EBF1: variants seen among roughly 807,000 people sequenced by gnomAD.
EBF1 encodes transcription factor COE1.
In EBF1, 10 loss-of-function variants were observed where a neutral mutation model predicts 68.4. That is an observed-to-expected ratio of 0.15 (90% CI 0.09 to 0.25). EBF1 has a LOEUF of 0.25. Ranked by LOEUF, EBF1 falls within the 10% of genes least tolerant of loss-of-function variation. The pLI is 1.00. For missense variants in EBF1, 509 were observed against 794.4 expected (o/e 0.64, Z 4.32); for synonymous variants, 298 against 299.8 (o/e 0.99, Z 0.06).
intron 6 of EBF1, among the ~76,000 whole-genome samples, chr5:158,889,531 T>C (rs1364854114): frequency 6.6e-6 from 1 of 152,200 alleles, no homozygotes; most frequent in Non-Finnish European, 1.5e-5. Flanking sequence ...TGAGAATAAG[T>C]ACATCTAAGT....
At position 158,796,313 on chromosome 5, in the gene EBF1, CTATTAGA is replaced by C. The variant is rs1166633647; in HGVS notation, c.909+25_909+31del. 1.1e-5 allele frequency: 17 copies of C among 1,590,182 alleles called. No homozygotes were observed. In the Admixed American group the frequency reaches 1.2e-4, roughly 11 times the overall value. ...AGACAGTATCTTCAACTAGATCAAG[CTATTAGA>C]TATTAATGTTCAGACAACACCTACC... On this transcript the variant is annotated intron_variant, in intron 9 of 15. Transcript: ENST00000313708.
chr5:158,926,496 T>A (rs540108588), intron 6 of EBF1, among the ~76,000 whole-genome samples: 1 of 151,778 alleles, frequency 6.6e-6, no homozygotes, highest in Non-Finnish European at 1.5e-5. Context: ...GAGGCCAAAG[T>A]GGGTGGATCA....
At chr5:158,777,346 CAAGAT>C (rs1157236168) in intron 10 of EBF1, 62 bp downstream of exon 10, 6 of 1,447,226 alleles carry the variant, frequency 4.1e-6, no homozygotes, top group Non-Finnish European at 5.5e-6. Flanking sequence ...TTTATACAGA[CAAGAT>C]AAGGGGAAAG....
chr5:158,872,814 C>A (rs543727830), intron 6 of EBF1, among the ~76,000 whole-genome samples: 1 of 151,978 alleles, frequency 6.6e-6, no homozygotes, highest in South Asian at 2.1e-4. Flanking sequence ...TGCTACATAC[C>A]ATTAATTCAG....
intron 6 of EBF1, among the ~76,000 whole-genome samples, chr5:159,052,905 G>C (rs1040990556): frequency 6.6e-6 from 1 of 152,198 alleles, no homozygotes; most frequent in Non-Finnish European, 1.5e-5. Context: ...CTGCACAGCT[G>C]TCTCGGTCAA....
chr5:158,936,556 G>T (rs1403276828), intron 6 of EBF1, among the ~76,000 whole-genome samples: 1 of 152,176 alleles, frequency 6.6e-6, no homozygotes, highest in African/African-American at 2.4e-5. Flanking sequence ...GGCTTCGTAG[G>T]CTTACCCAGA....
rs546593748 is a variant in EBF1 at position 158,759,152 on chromosome 5, C to T, written c.1036+18261G>A. On this transcript the variant is annotated intron_variant, in intron 10 of 15. Transcript: ENST00000313708. ...ATATTCACAGTTTAAGACTCAGTGACGACTTTCAATCTTACTATGTGGATA... is the reference window on the plus strand; with the variant it reads ...ATATTCACAGTTTAAGACTCAGTGATGACTTTCAATCTTACTATGTGGATA... 3.1e-4 allele frequency among the ~76,000 whole-genome samples: 47 copies of T among 152,272 alleles called. 1 individual carries two copies. In the South Asian group the frequency reaches 3.9e-3, roughly 13 times the overall value.
chr5:159,064,899 CTTTTTTT>C lies in EBF1; in HGVS notation c.554+8490_554+8496del, dbSNP rs57256923. ...GAAAAAGAGACTGCTCTCTTTTCAT[CTTTTTTT>C]TTTTTTTTTTTTTTTTTTGGTCTCT... On this transcript the variant is annotated intron_variant, in intron 6 of 15. Coordinates refer to ENST00000313708, the MANE Select transcript of EBF1 (RefSeq NM_024007.5). 2.0e-3 allele frequency among the ~76,000 whole-genome samples: 136 copies of C among 67,946 alleles called. No homozygotes were observed. In the South Asian group the frequency reaches 0.028, roughly 14 times the overall value. 44.6% of individuals were successfully genotyped at this position (67,946 alleles called of 152,430 possible).
At chr5:158,956,916 G>A (rs555601877) in intron 6 of EBF1, among the ~76,000 whole-genome samples, 24 of 152,088 alleles carry the variant, frequency 1.6e-4, no homozygotes, top group Middle Eastern at 3.4e-3. Context: ...CTGCCACCAC[G>A]CCCAGCTAAT....
chr5:158,970,949 G>C (rs1205132617), intron 6 of EBF1, among the ~76,000 whole-genome samples: 1 of 152,170 alleles, frequency 6.6e-6, no homozygotes, highest in Non-Finnish European at 1.5e-5. Flanking sequence ...TCCAAGTTTA[G>C]CCTTACAGGG....
chr5:158,801,066 T>C (rs968482236), intron 8 of EBF1, among the ~76,000 whole-genome samples: 6 of 152,112 alleles, frequency 3.9e-5, no homozygotes, highest in African/African-American at 1.4e-4. Flanking sequence ...GGGGTTTGCC[T>C]CTTTTTTTAA....
intron 6 of EBF1, among the ~76,000 whole-genome samples, chr5:158,850,723 AG>A (rs1317597179): frequency 1.3e-5 from 2 of 152,212 alleles, no homozygotes; most frequent in Non-Finnish European, 2.9e-5. Context: ...AAACTTAAGT[AG>A]GGCCAGGTGT....
intron 7 of EBF1, among the ~76,000 whole-genome samples, chr5:158,828,992 T>C (rs1393997334): frequency 6.6e-6 from 1 of 152,148 alleles, no homozygotes; most frequent in Non-Finnish European, 1.5e-5. Context: ...GGCAAAACTA[T>C]GAAGACAGTG....
chr5:158,824,370 T>C (rs1347101421), intron 7 of EBF1, among the ~76,000 whole-genome samples: 1 of 152,230 alleles, frequency 6.6e-6, no homozygotes, highest in East Asian at 1.9e-4. Flanking sequence ...GGCTCTTTGA[T>C]TGATCACCGA....
chr5:159,051,811 C>G (rs1219493682), intron 6 of EBF1, among the ~76,000 whole-genome samples: 1 of 152,092 alleles, frequency 6.6e-6, no homozygotes, highest in Admixed American at 6.6e-5. Context: ...GCAGTTTGCC[C>G]TCATTCATTT....
At chr5:158,898,173 T>C (rs1430351102) in intron 6 of EBF1, among the ~76,000 whole-genome samples, 2 of 152,236 alleles carry the variant, frequency 1.3e-5, no homozygotes, top group Non-Finnish European at 2.9e-5. Flanking sequence ...TATTATAGTA[T>C]ATATACTTAG....
chr5:159,024,839 A>G (rs1767397330), intron 6 of EBF1, among the ~76,000 whole-genome samples: 1 of 152,224 alleles, frequency 6.6e-6, no homozygotes, highest in Non-Finnish European at 1.5e-5. Context: ...ACAAGAAACA[A>G]TAAAAGTGAG....
chr5:159,062,352 G>A (rs1000808037), intron 6 of EBF1, among the ~76,000 whole-genome samples: 3 of 152,144 alleles, frequency 2.0e-5, no homozygotes, highest in Admixed American at 1.3e-4. Flanking sequence ...AGGACAGAAG[G>A]CAAGCTCCCG....
intron 6 of EBF1, among the ~76,000 whole-genome samples, chr5:159,005,013 GC>G (rs1763275606): frequency 6.6e-6 from 1 of 152,080 alleles, no homozygotes; most frequent in South Asian, 2.1e-4. Flanking sequence ...CAAACTCTAG[GC>G]TTTACACGTT....
Sources: allele counts gnomAD v4.1 joint callset (sites outside exome capture counted in the v4.1 genomes callset), GRCh38; gene constraint gnomAD v4.1.1; transcripts MANE v1.5; gene names NCBI Gene and HGNC (gene_info 2026-07-23, HGNC 2026-07-21).